MAP3K10: variants seen among roughly 807,000 people sequenced by gnomAD.
MAP3K10 encodes MKN28 derived nonreceptor_type serine/threonine kinase.
MAP3K10 carries 22 observed loss-of-function variants against 75.0 expected under a neutral mutation model. The observed-to-expected ratio is 0.29, with a 90% CI of 0.21 to 0.42. The LOEUF is 0.42. Ranked by LOEUF, MAP3K10 falls within the 10% of genes least tolerant of loss-of-function variation. The pLI is 1.00. For missense variants in MAP3K10, 1,165 were observed against 1,379.8 expected, an observed-to-expected ratio of 0.84 and a Z score of 2.47; for synonymous variants, 599 against 612.9, an observed-to-expected ratio of 0.98 and a Z score of 0.34.
In MAP3K10 at chr19:40,192,208, G is replaced by A; in HGVS notation, c.177G>A (p.Trp59Ter). Residue 59 changes from tryptophan to a stop codon, truncating the protein, a stop_gained, in exon 1 of 10, where the codon TGG becomes TGA. Transcript: ENST00000253055. LOFTEE classifies it high-confidence loss of function. The surrounding 1 kb of genome is among the most constrained non-coding windows in gnomAD (Gnocchi z 7.1). ...CGGTGTCCGGCGACGAGGGCTGGTG[G>A]ACCGGGCAGCTCCCCAGCGGCCGCG... ...DCAVSGDEGW[W>*]TGQLPSGRVG... is the part of the protein sequence containing the mutation. The A allele has an allele frequency of 6.2e-7, 1 of 1,608,134 alleles. No homozygotes were observed. The highest frequency in any genetic ancestry group is 8.5e-7 in the Non-Finnish European group (1 of 1,178,526).
chr19:40,213,648 T>G lies in MAP3K10; in HGVS notation c.1969T>G (p.Ser657Ala). ...GARAPWEPTP[S>A]APPARWGHGA... ...GCGGGCGCCGTGGGAGCCGACGCCG[T>G]CCGCGCCCCCCGCTCGGTGGGGACA... Residue 657 changes from serine to alanine, a missense_variant, in exon 9 of 10, where the codon TCC (serine) becomes GCC (alanine). By Grantham distance (99) the Ser-to-Ala change is moderately conservative. Coordinates refer to ENST00000253055, the MANE Select transcript of MAP3K10 (RefSeq NM_002446.4). The surrounding 1 kb of genome is among the most constrained non-coding windows in gnomAD (Gnocchi z 5.7). 4 of 1,349,226 alleles carry G rather than the reference T, an allele frequency of 3.0e-6. No homozygotes were observed. The highest frequency in any genetic ancestry group is 3.6e-5 in the Admixed American group (1 of 28,128). 83.6% of individuals were successfully genotyped at this position (1,349,226 alleles called of 1,614,324 possible).
intron 2 of MAP3K10, among the ~76,000 whole-genome samples, chr19:40,200,423 G>A (rs560243771): frequency 3.3e-5 from 5 of 152,252 alleles, no homozygotes; most frequent in African/African-American, 4.8e-5. Context: ...CTTGGTTGGA[G>A]CCAAACCTGG....
chr19:40,207,533 T>C (rs979530505), intron 5 of MAP3K10, among the ~76,000 whole-genome samples: 3 of 152,214 alleles, frequency 2.0e-5, no homozygotes, highest in African/African-American at 7.2e-5. Flanking sequence ...GTCAGGAGTT[T>C]GAGACCAGCC....
rs778221515 is a variant in MAP3K10 at position 40,205,949 on chromosome 19, A to G, written c.1227A>G (p.Ala409=). The G allele has an allele frequency of 1.2e-6, 2 of 1,600,770 alleles. No homozygotes were observed. The highest frequency in any genetic ancestry group is 2.7e-5 in the African/African-American group (2 of 74,706). ...RSREEELLRA[A]QEQRFQEEQL... Reference sequence around the variant, plus strand: ...GTGAGGAGGAGCTGCTGCGGGCGGCACAGGAGCAGCGCTTCCAGGAGGAGC... The same window carrying G: ...GTGAGGAGGAGCTGCTGCGGGCGGCGCAGGAGCAGCGCTTCCAGGAGGAGC... Residue 409 remains alanine, a synonymous_variant, in exon 5 of 10, where the codon GCA becomes GCG. Transcript: ENST00000253055. The surrounding 1 kb of genome is among the most constrained non-coding windows in gnomAD (Gnocchi z 4.3).
At position 40,214,985 on chromosome 19, in the gene MAP3K10, TG is replaced by T; in HGVS notation, c.2560del (p.Asp854ThrfsTer28). On this transcript the variant is annotated frameshift_variant, in exon 10 of 10. Coordinates refer to ENST00000253055, the MANE Select transcript of MAP3K10 (RefSeq NM_002446.4). LOFTEE classifies it high-confidence loss of function. ...CTCTTACCAGGCCCTCGTGACCTTCTGGACTTCCCCCGCCTGCCCGACCCCC... is the reference window on the plus strand; with the variant it reads ...CTCTTACCAGGCCCTCGTGACCTTCTGACTTCCCCCGCCTGCCCGACCCCC... The part of the protein sequence containing the change: ...AGHGPGPRDL[L>X]DFPRLPDPQA... The T allele has an allele frequency of 6.4e-7, 1 of 1,573,318 alleles. No homozygotes were observed. Among genetic ancestry groups the T allele is most frequent in the Non-Finnish European group, 8.7e-7 (1 of 1,152,124 alleles).
chr19:40,196,048 A>C (rs536670115), intron 1 of MAP3K10, among the ~76,000 whole-genome samples: 3 of 152,256 alleles, frequency 2.0e-5, no homozygotes, highest in South Asian at 2.1e-4. Flanking sequence ...TCAGGCAATA[A>C]ATTTTTACTA....
chr19:40,214,210 G>A lies in MAP3K10; in HGVS notation c.2531G>A (p.Gly844Asp). Reference protein sequence around the residue: ...LGQRGPPEPAGHGPGPRDLLD... With the variant: ...LGQRGPPEPADHGPGPRDLLD... Reference sequence around the variant, plus strand: ...CAGCGGGGGCCGCCCGAGCCCGCGGGCCATGGCCCTGGTGAGTGAGGCGCC... The same window carrying A: ...CAGCGGGGGCCGCCCGAGCCCGCGGACCATGGCCCTGGTGAGTGAGGCGCC... Residue 844 changes from glycine (G) to aspartate (D), a missense_variant, in exon 9 of 10, where the codon GGC becomes GAC. Transcript: ENST00000253055. The A allele has an allele frequency of 7.0e-7, 1 of 1,420,974 alleles. No homozygotes were observed. The allele number at this position is 1,420,974 out of a possible 1,614,324, so 88.0% of individuals were successfully genotyped here. A position where few individuals can be genotyped will look rare whatever the true frequency, so the allele number is the denominator to read the frequency against.
chr19:40,207,787 C>T (rs1273144855), intron 5 of MAP3K10, among the ~76,000 whole-genome samples: 2 of 152,132 alleles, frequency 1.3e-5, no homozygotes, highest in South Asian at 2.1e-4. Context: ...GCAATCAATA[C>T]AAAATAATTG....
In MAP3K10 at chr19:40,205,480, T is replaced by C; in HGVS notation, c.1188+184T>C. The C allele has an allele frequency of 1.6e-6, 1 of 615,800 alleles. No individual in the cohort carries two copies. The highest frequency in any genetic ancestry group is 2.8e-6 in the Non-Finnish European group (1 of 353,908). The allele number at this position is 615,800 out of a possible 1,614,324, so 38.1% of individuals were successfully genotyped here. A position where few individuals can be genotyped will look rare whatever the true frequency, so the allele number is the denominator to read the frequency against. ...GGATTAATAAGAAAAAGGCACCCTG[T>C]ACTGAAGTACTTACAGGTGACACTG... On this transcript the variant is annotated intron_variant, in intron 4 of 9. Coordinates refer to ENST00000253055, the MANE Select transcript of MAP3K10 (RefSeq NM_002446.4). This position sits in a 1 kb window ranked among gnomAD's most constrained non-coding sequence, Gnocchi z 4.3.
chr19:40,210,570 G>A (rs558446386), intron 6 of MAP3K10, among the ~76,000 whole-genome samples: 15 of 151,804 alleles, frequency 9.9e-5, no homozygotes, highest in Admixed American at 6.6e-4. Flanking sequence ...GCGTGGTGGC[G>A]CATGCCTGTA....
rs988337702 is a variant in MAP3K10 at position 40,198,960 on chromosome 19, C to T, written c.863+405C>T. Among the ~76,000 whole-genome samples, 7 of 152,110 alleles carry T rather than the reference C, an allele frequency of 4.6e-5. No homozygotes were observed. The highest frequency in any genetic ancestry group is 1.2e-4 in the African/African-American group (5 of 41,428). On this transcript the variant is annotated intron_variant, in intron 2 of 9. Transcript: ENST00000253055. The surrounding 1 kb of genome is among the most constrained non-coding windows in gnomAD (Gnocchi z 4.3). ...GCAGATGCCTGTTGTCCCAGCTACTCGGGAGACTGAGGCAGGAGAATCACT... is the reference window on the plus strand; with the variant it reads ...GCAGATGCCTGTTGTCCCAGCTACTTGGGAGACTGAGGCAGGAGAATCACT...
chr19:40,196,599 A>G (rs952892220), intron 1 of MAP3K10, among the ~76,000 whole-genome samples: 2 of 152,092 alleles, frequency 1.3e-5, no homozygotes, highest in Admixed American at 6.6e-5. Flanking sequence ...GCTCACTGCA[A>G]CCTCTGCCTC....
In MAP3K10 at chr19:40,213,590, A is replaced by G. The variant is rs34886198; in HGVS notation, c.1911A>G (p.Ser637=). 0.022 allele frequency: 34,495 copies of G among 1,601,774 alleles called. 1,339 individuals carry two copies. Among genetic ancestry groups the G allele is most frequent in the Admixed American group, 0.18 (10,367 of 58,516 alleles). Residue 637 remains serine, a synonymous_variant, in exon 9 of 10, where the codon TCA becomes TCG. Transcript: ENST00000253055. The surrounding 1 kb of genome is among the most constrained non-coding windows in gnomAD (Gnocchi z 5.7). ...CCTACTCGACCCCGTCCTACCTCTCAGTGCCACTGCCTGCCGAGCCCTCCC... is the reference window on the plus strand; with the variant it reads ...CCTACTCGACCCCGTCCTACCTCTCGGTGCCACTGCCTGCCGAGCCCTCCC... ...PSPYSTPSYL[S]VPLPAEPSPG...
chr19:40,206,419 T>G (rs1342444854), intron 5 of MAP3K10: 1 of 350,558 alleles, frequency 2.9e-6, no homozygotes, highest in Non-Finnish European at 5.0e-6. Flanking sequence ...AAAAAAAATT[T>G]TTTTTAATTA....
In MAP3K10 at chr19:40,213,606, G is replaced by C; in HGVS notation, c.1927G>C (p.Glu643Gln). Residue 643 changes from glutamate to glutamine, a missense_variant, in exon 9 of 10, where the codon GAG becomes CAG. This residue lies in a region of MAP3K10 where 590 missense variants were observed against 586.6 expected (regional missense o/e 1.01). Coordinates refer to ENST00000253055, the MANE Select transcript of MAP3K10 (RefSeq NM_002446.4). The surrounding 1 kb of genome is among the most constrained non-coding windows in gnomAD (Gnocchi z 5.7). ...PSYLSVPLPA[E>Q]PSPGARAPWE... ...CTACCTCTCAGTGCCACTGCCTGCCGAGCCCTCCCCGGGGGCGCGGGCGCC... is the reference window on the plus strand; with the variant it reads ...CTACCTCTCAGTGCCACTGCCTGCCCAGCCCTCCCCGGGGGCGCGGGCGCC... 1 of 1,588,354 alleles carries C rather than the reference G, an allele frequency of 6.3e-7. No individual in the cohort carries two copies. Among genetic ancestry groups the C allele is most frequent in the Non-Finnish European group, 8.6e-7 (1 of 1,168,982 alleles).
Position 40,214,042 on chromosome 19 carries a change from C to T in MAP3K10, c.2363C>T (p.Ser788Leu). The T allele has an allele frequency of 5.2e-6, 8 of 1,533,968 alleles. No homozygotes were observed. Among genetic ancestry groups the T allele is most frequent in the South Asian group, 2.4e-5 (2 of 83,784 alleles). Residue 788 changes from serine to leucine, a missense_variant, in exon 9 of 10, where the codon TCG (serine) becomes TTG (leucine). Transcript: ENST00000253055. Reference sequence around the variant, plus strand: ...CCGCCCGCGCCCACACCCACGCCCTCGCCCAGCACCAACCCCCTGGTGGAC... The same window carrying T: ...CCGCCCGCGCCCACACCCACGCCCTTGCCCAGCACCAACCCCCTGGTGGAC... ...PSPPAPTPTPSPSTNPLVDLE... is the reference protein window; with the variant it reads ...PSPPAPTPTPLPSTNPLVDLE...
At chr19:40,196,587 C>T (rs574079832) in intron 1 of MAP3K10, among the ~76,000 whole-genome samples, 4 of 152,300 alleles carry the variant, frequency 2.6e-5, no homozygotes, top group East Asian at 1.9e-4. Context: ...GGCACGATCT[C>T]GGCTCACTGC....
rs1830878362 is a variant in MAP3K10, at chr19:40,214,992, C to A, written c.2565C>A (p.Phe855Leu). 3 of 1,578,284 alleles carry A rather than the reference C, an allele frequency of 1.9e-6. No homozygotes were observed. The highest frequency in any genetic ancestry group is 2.6e-6 in the Non-Finnish European group (3 of 1,156,064). Residue 855 changes from phenylalanine (F) to leucine (L), a missense_variant, in exon 10 of 10, where the codon TTC (phenylalanine) becomes TTA (leucine). Physicochemically the swap from Phe to Leu is conservative, Grantham distance 22 (BLOSUM62 0). Coordinates refer to ENST00000253055, the MANE Select transcript of MAP3K10 (RefSeq NM_002446.4). ...HGPGPRDLLD[F>L]PRLPDPQALF... ...CAGGCCCTCGTGACCTTCTGGACTT[C>A]CCCCGCCTGCCCGACCCCCAGGCCC...
Position 40,192,856 on chromosome 19 carries a change from G to A in MAP3K10, c.682+143G>A, listed in dbSNP as rs1239925259. On this transcript the variant is annotated intron_variant, in intron 1 of 9. Coordinates refer to ENST00000253055, the MANE Select transcript of MAP3K10 (RefSeq NM_002446.4). The surrounding 1 kb of genome is among the most constrained non-coding windows in gnomAD (Gnocchi z 7.1). The stretch of plus-strand genomic sequence containing the variant: ...GCAGTATGATACCTTCAGGGTGAAG[G>A]TGAGGTAGGCCTTGCCTGCCTTAAG... 1 of 691,970 alleles carries A rather than the reference G, an allele frequency of 1.4e-6. No homozygotes were observed. Among genetic ancestry groups the A allele is most frequent in the African/African-American group, 1.8e-5 (1 of 55,008 alleles). The allele number at this position is 691,970 out of a possible 1,614,324, so 42.9% of individuals were successfully genotyped here. A position where few individuals can be genotyped will look rare whatever the true frequency, so the allele number is the denominator to read the frequency against.
Sources: gnomAD v4.1 joint callset for allele counts (sites outside exome capture counted in the v4.1 genomes callset) on GRCh38, gnomAD v4.1.1 for gene constraint, gnomAD v4.1.1 regional missense constraint, Gnocchi (gnomAD v3.1) non-coding constraint, MANE v1.5 for transcripts, NCBI Gene and HGNC (gene_info 2026-07-23, HGNC 2026-07-21) for gene names.